RAPGEF1: variants seen among roughly 807,000 people sequenced by gnomAD.
RAPGEF1 encodes the protein CRK SH3-binding GNRP.
Under a neutral mutation model 143.3 loss-of-function variants are expected in RAPGEF1, and 33 were observed. The observed-to-expected ratio is 0.23, with a 90% CI of 0.17 to 0.31. The LOEUF is 0.31. RAPGEF1 is among the 10% of genes least tolerant of loss of function. The pLI, the probability that RAPGEF1 is intolerant of heterozygous loss-of-function variation, is 1.00. For missense variants in RAPGEF1, 1,199 were observed against 1,645.4 expected, an observed-to-expected ratio of 0.73 and a Z score of 4.69; for synonymous variants, 629 against 676.5, an observed-to-expected ratio of 0.93 and a Z score of 1.09.
chr9:131,631,611 C>A (rs1300280897), intron 5 of RAPGEF1, among the ~76,000 whole-genome samples: 1 of 152,208 alleles, frequency 6.6e-6, no homozygotes, highest in African/African-American at 2.4e-5. Flanking sequence ...GAGGTGGCAG[C>A]GGATGCCAGT....
chr9:131,617,116 G>C (rs79480566), intron 12 of RAPGEF1, among the ~76,000 whole-genome samples: 1 of 152,158 alleles, frequency 6.6e-6, no homozygotes, highest in Admixed American at 6.5e-5. Context: ...ATTTTGTAGC[G>C]AACAGTCCAG....
intron 22 of RAPGEF1, among the ~76,000 whole-genome samples, chr9:131,585,408 T>A (rs1952555384): frequency 1.3e-5 from 2 of 152,282 alleles, no homozygotes; most frequent in South Asian, 4.1e-4. Flanking sequence ...CTCGAACTCC[T>A]GCGCTCAAGT....
chr9:131,602,071 C>T lies in RAPGEF1; in HGVS notation c.2491G>A (p.Gly831Ser), dbSNP rs201807326. 1.6e-5 allele frequency: 26 copies of T among 1,600,772 alleles called. No individual in the cohort carries two copies. Among genetic ancestry groups the T allele is most frequent in the Middle Eastern group, 1.7e-4 (1 of 6,044 alleles). ...GGGTCCACTTCCTACCTCTCACTGC[C>T]GTCTCTGCTGTCCTTCCCAGGGACG... The part of the protein sequence containing the change: ...SGVPGKDSRD[G>S]SERAPKSPDA... The change falls in exon 15 of 27, where the codon GGC (glycine) becomes AGC (serine). Residue 831 changes from glycine (G) to serine (S), a missense_variant. Coordinates refer to ENST00000683357, the MANE Select transcript of RAPGEF1 (RefSeq NM_001377935.1).
chr9:131,656,724 C>T (rs148748324), intron 1 of RAPGEF1, among the ~76,000 whole-genome samples: 243 of 152,206 alleles, frequency 1.6e-3, no homozygotes, highest in African/African-American at 5.2e-3. Flanking sequence ...GTGTAGAGGT[C>T]GATCACCAAA....
chr9:131,613,521 G>A (rs565957137), intron 12 of RAPGEF1, among the ~76,000 whole-genome samples: 3 of 152,332 alleles, frequency 2.0e-5, no homozygotes, highest in East Asian at 3.9e-4. Flanking sequence ...GGTGAGACAT[G>A]GGGGTGGGGA....
chr9:131,631,680 A>G (rs1237663223), intron 5 of RAPGEF1, among the ~76,000 whole-genome samples: 2 of 152,250 alleles, frequency 1.3e-5, no homozygotes, highest in Non-Finnish European at 2.9e-5. Context: ...CCAGACTCAA[A>G]AAAGCACCAC....
In RAPGEF1 at chr9:131,598,214, C is replaced by T; in HGVS notation, c.2598G>A (p.Leu866=). The change falls in exon 16 of 27, where the codon CTG becomes CTA. Residue 866 remains leucine, a synonymous_variant. Coordinates refer to ENST00000683357, the MANE Select transcript of RAPGEF1 (RefSeq NM_001377935.1). ...AAGTTCTCACCTCCTGCTTGAGCGTCAGCCTGGACATAATTTCGTTGTGGT... is the reference window on the plus strand; with the variant it reads ...AAGTTCTCACCTCCTGCTTGAGCGTTAGCCTGGACATAATTTCGTTGTGGT... The part of the protein sequence containing the change: ...LIDHNEIMSR[L]TLKQEGDDGP... 1 of 1,613,998 alleles carries T rather than the reference C, an allele frequency of 6.2e-7. No homozygotes were observed. The highest frequency in any genetic ancestry group is 8.5e-7 in the Non-Finnish European group (1 of 1,179,878).
At chr9:131,609,382 A>G (rs868328191) in intron 12 of RAPGEF1, among the ~76,000 whole-genome samples, 4 of 152,134 alleles carry the variant, frequency 2.6e-5, no homozygotes, top group African/African-American at 9.7e-5. Context: ...TGATATCACA[A>G]TCAGTTCGTG....
At chr9:131,623,416 A>G (rs1419031010) in intron 10 of RAPGEF1, among the ~76,000 whole-genome samples, 1 of 152,194 alleles carries the variant, frequency 6.6e-6, no homozygotes, top group Non-Finnish European at 1.5e-5. Flanking sequence ...GCAGTGAGCT[A>G]TGGAAAAAAG....
chr9:131,721,590 G>A (rs1836269480), intron 1 of RAPGEF1, among the ~76,000 whole-genome samples: 3 of 152,146 alleles, frequency 2.0e-5, no homozygotes. Context: ...AGTCGCCGAA[G>A]AATTCAGCTC....
In RAPGEF1 at chr9:131,667,954, C is replaced by G. The variant is rs1830696047; in HGVS notation, c.62-17005G>C. 6.6e-6 allele frequency among the ~76,000 whole-genome samples: 1 copy of G among 152,220 alleles called. No individual in the cohort carries two copies. Among genetic ancestry groups the G allele is most frequent in the African/African-American group, 2.4e-5 (1 of 41,450 alleles). On this transcript the variant is annotated intron_variant, in intron 1 of 26. Transcript: ENST00000683357. The surrounding 1 kb of genome is among the most constrained non-coding windows in gnomAD (Gnocchi z 4.6). ...ATTCATAAATGTCATCTGTGGCCACCAGACCGTTCAAAAATATACTCCTTT... is the reference window on the plus strand; with the variant it reads ...ATTCATAAATGTCATCTGTGGCCACGAGACCGTTCAAAAATATACTCCTTT...
chr9:131,679,042 A>G (rs906002322), intron 1 of RAPGEF1, among the ~76,000 whole-genome samples: 3 of 152,062 alleles, frequency 2.0e-5, no homozygotes, highest in Non-Finnish European at 2.9e-5. Flanking sequence ...GGAGAAGCAA[A>G]GGCTAAGAGG....
intron 14 of RAPGEF1, among the ~76,000 whole-genome samples, chr9:131,603,251 AT>A (rs1195218673): frequency 6.6e-6 from 1 of 152,208 alleles, no homozygotes; most frequent in African/African-American, 2.4e-5. Flanking sequence ...TCCAGCCCTC[AT>A]GGGCCTCCCT....
intron 26 of RAPGEF1, 124 bp from the exon 27 acceptor site, chr9:131,579,771 G>T (rs1951574120): frequency 9.5e-7 from 1 of 1,056,574 alleles, no homozygotes; most frequent in Non-Finnish European, 1.4e-6. Context: ...GGATGCTGCA[G>T]GGGCTACCGT....
intron 5 of RAPGEF1, among the ~76,000 whole-genome samples, chr9:131,637,928 A>G (rs145180920): frequency 4.6e-5 from 7 of 152,288 alleles, no homozygotes; most frequent in African/African-American, 1.7e-4. Flanking sequence ...CCTTTCTACT[A>G]CATTATATGG....
chr9:131,663,036 C>T (rs1588881117), intron 1 of RAPGEF1, among the ~76,000 whole-genome samples: 2 of 152,156 alleles, frequency 1.3e-5, no homozygotes, highest in African/African-American at 2.4e-5. Context: ...ATGAAGCGAA[C>T]GTCCACATAC....
At chr9:131,606,749 G>C (rs577667330) in intron 12 of RAPGEF1, among the ~76,000 whole-genome samples, 2 of 152,126 alleles carry the variant, frequency 1.3e-5, no homozygotes, top group Non-Finnish European at 2.9e-5. Context: ...TCGGGTTCCT[G>C]AGTAGCTGGG....
intron 1 of RAPGEF1, among the ~76,000 whole-genome samples, chr9:131,668,844 C>T (rs1303389242): frequency 6.6e-6 from 1 of 152,240 alleles, no homozygotes; most frequent in Non-Finnish European, 1.5e-5. Flanking sequence ...GGGTACATCT[C>T]ATCATCTGGA....
intron 1 of RAPGEF1, among the ~76,000 whole-genome samples, chr9:131,686,425 T>C (rs967210988): frequency 1.3e-5 from 2 of 152,184 alleles, no homozygotes; most frequent in Non-Finnish European, 2.9e-5. Flanking sequence ...TATGGGTAAT[T>C]GGTGCTGTGT....
Sources: allele counts gnomAD v4.1 joint callset (sites outside exome capture counted in the v4.1 genomes callset), GRCh38; gene constraint gnomAD v4.1.1; non-coding constraint Gnocchi (gnomAD v3.1); transcripts MANE v1.5; gene names NCBI Gene and HGNC (gene_info 2026-07-23, HGNC 2026-07-21).